PDE11A: variants seen among roughly 807,000 people sequenced by gnomAD.
PDE11A encodes dual 3',5'-cyclic-AMP and -GMP phosphodiesterase 11A.
PDE11A carries 100 observed loss-of-function variants against 100.5 expected under a neutral mutation model. The ratio of observed to expected loss-of-function variants is 1.00; its 90% confidence interval spans 0.85 to 1.18. PDE11A has a LOEUF of 1.18. Among genes scored for constraint, PDE11A ranks in the 50% most tolerant of loss-of-function variants. The probability of loss-of-function intolerance (pLI) is 0.00; values close to 1 mark genes in which losing one functional copy is unlikely to be tolerated. For missense variants in PDE11A, 1,141 were observed against 1,152.6 expected, an observed-to-expected ratio of 0.99 and a Z score of 0.15; for synonymous variants, 381 against 420.8, an observed-to-expected ratio of 0.91 and a Z score of 1.16.
chr2:178,014,278 C>T lies in PDE11A; in HGVS notation c.1071+24G>A, dbSNP rs145348554. ...TCAATGACCAAGAAGAAAAGTACAA[C>T]TCACAAAAGGCATGAAATCTTACTT... On this transcript the variant is annotated intron_variant, in intron 2 of 19. Transcript: ENST00000286063. 7,654 of 1,577,444 alleles carry T rather than the reference C, an allele frequency of 4.9e-3. 21 individuals carry two copies. Among genetic ancestry groups the T allele is most frequent in the Non-Finnish European group, 5.7e-3 (6,551 of 1,146,792 alleles).
At chr2:177,821,791 CAA>C (rs928352501) in intron 6 of PDE11A, among the ~76,000 whole-genome samples, 128 of 151,954 alleles carry the variant, frequency 8.4e-4, no homozygotes, top group African/African-American at 2.8e-3. Context: ...CTTTCATTCT[CAA>C]AAGTGTCTAA....
chr2:177,680,750 T>A, intron 16 of PDE11A, 76 bp downstream of exon 16: 1 of 792,892 alleles, frequency 1.3e-6, no homozygotes, highest in Non-Finnish European at 2.2e-6. Context: ...TTCTATGCTC[T>A]TAGTACTGTC....
chr2:178,057,453 T>C (rs2105862605), intron 1 of PDE11A, among the ~76,000 whole-genome samples: 1 of 152,300 alleles, frequency 6.6e-6, no homozygotes, highest in East Asian at 1.9e-4. Context: ...CATACATTAA[T>C]GTGCTTCAAG....
chr2:177,925,895 GGGAACCT>G (rs2085118438), intron 2 of PDE11A, among the ~76,000 whole-genome samples: 2 of 152,188 alleles, frequency 1.3e-5, no homozygotes, highest in Non-Finnish European at 2.9e-5. Flanking sequence ...GAGTTTTCAG[GGGAACCT>G]GAGTGTTGCA....
intron 6 of PDE11A, among the ~76,000 whole-genome samples, chr2:177,838,673 G>A (rs1009372751): frequency 6.6e-6 from 1 of 152,206 alleles, no homozygotes; most frequent in African/African-American, 2.4e-5. Flanking sequence ...ACCGTTTGGA[G>A]TTCGATGGCC....
At chr2:178,084,130 C>T (rs2087320871) in intron 2 of PDE11A, among the ~76,000 whole-genome samples, 2 of 152,194 alleles carry the variant, frequency 1.3e-5, no homozygotes, top group Admixed American at 6.5e-5. Flanking sequence ...AGCTATCCCT[C>T]CATGTGAGAA....
At chr2:177,795,623 A>G (rs1574150806) in intron 9 of PDE11A, among the ~76,000 whole-genome samples, 1 of 151,974 alleles carries the variant, frequency 6.6e-6, no homozygotes, top group Non-Finnish European at 1.5e-5. Flanking sequence ...TCCTCTTTCC[A>G]CTGGGCAGGG....
chr2:177,820,354 C>T, intron 6 of PDE11A, 59 bp from the exon 7 acceptor site: 4 of 951,754 alleles, frequency 4.2e-6, no homozygotes, highest in Admixed American at 1.8e-5. Flanking sequence ...TTTTGATTTA[C>T]ATTTTTTCCA....
rs538512709 is a variant in PDE11A at position 177,776,513 on chromosome 2, A to C, written c.1738-7140T>G. 1.2e-4 allele frequency among the ~76,000 whole-genome samples: 18 copies of C among 152,318 alleles called. No homozygotes were observed. In the South Asian group the frequency reaches 3.7e-3, roughly 32 times the overall value. The stretch of plus-strand genomic sequence containing the variant: ...AGTCTGAAATATTTTCAGCAATGCT[A>C]CTATTATGAGGGGAATTGTGCCCCC... On this transcript the variant is annotated intron_variant, in intron 9 of 19. Coordinates refer to ENST00000286063, the MANE Select transcript of PDE11A (RefSeq NM_016953.4).
intron 9 of PDE11A, among the ~76,000 whole-genome samples, chr2:177,775,928 G>A (rs2082371495): frequency 1.3e-5 from 2 of 152,168 alleles, no homozygotes; most frequent in Admixed American, 6.5e-5. Context: ...GCAAGGATTG[G>A]TCTAGTTTTG....
chr2:177,960,155 T>TCATCATTG, intron 2 of PDE11A, among the ~76,000 whole-genome samples: 1 of 152,224 alleles, frequency 6.6e-6, no homozygotes, highest in East Asian at 1.9e-4. Context: ...ATTATCTTTT[T>TCATCATTG]CATCATTATT....
At chr2:177,966,007 T>C (rs1559026571) in intron 2 of PDE11A, among the ~76,000 whole-genome samples, 1 of 152,206 alleles carries the variant, frequency 6.6e-6, no homozygotes, top group African/African-American at 2.4e-5. Flanking sequence ...GTTTTTCCAT[T>C]TGTATTTGTT....
At chr2:177,993,879 G>A (rs1010240038) in intron 2 of PDE11A, among the ~76,000 whole-genome samples, 1 of 150,732 alleles carries the variant, frequency 6.6e-6, no homozygotes, top group Admixed American at 6.6e-5. Flanking sequence ...AATATTGAGA[G>A]AATTATATGA....
intron 2 of PDE11A, among the ~76,000 whole-genome samples, chr2:177,947,624 C>G (rs867179534): frequency 1.8e-4 from 28 of 151,894 alleles, no homozygotes; most frequent in African/African-American, 6.0e-4. Context: ...GGGACACAAA[C>G]ACTGCGGAAG....
intron 4 of PDE11A, among the ~76,000 whole-genome samples, chr2:177,897,397 A>G (rs2084627370): frequency 6.6e-6 from 1 of 152,218 alleles, no homozygotes; most frequent in Non-Finnish European, 1.5e-5. Context: ...ATGTTTCCCT[A>G]TGGAGCAGCA....
intron 1 of PDE11A, among the ~76,000 whole-genome samples, chr2:178,036,970 T>C (rs1158144899): frequency 6.6e-6 from 1 of 152,104 alleles, no homozygotes; most frequent in African/African-American, 2.4e-5. Flanking sequence ...GGGCAAAGAC[T>C]TCATGACTAA....
At chr2:178,020,499 A>G (rs1479534386) in intron 1 of PDE11A, among the ~76,000 whole-genome samples, 1 of 152,190 alleles carries the variant, frequency 6.6e-6, no homozygotes, top group Admixed American at 6.5e-5. Flanking sequence ...GATAACTTAA[A>G]GAGAAAATGT....
chr2:177,732,935 G>T (rs1260446266), intron 10 of PDE11A, among the ~76,000 whole-genome samples: 3 of 152,150 alleles, frequency 2.0e-5, no homozygotes, highest in Non-Finnish European at 4.4e-5. Flanking sequence ...CACATTGCTG[G>T]GTTCAAGGGC....
chr2:177,722,133 T>C (rs1340050610), intron 12 of PDE11A, among the ~76,000 whole-genome samples: 1 of 152,142 alleles, frequency 6.6e-6, no homozygotes, highest in African/African-American at 2.4e-5. Flanking sequence ...ATAAATTCAC[T>C]TTAATCAAAA....
Sources: gnomAD v4.1 joint callset for allele counts (sites outside exome capture counted in the v4.1 genomes callset) on GRCh38, gnomAD v4.1.1 for gene constraint, MANE v1.5 for transcripts, NCBI Gene and HGNC (gene_info 2026-07-23, HGNC 2026-07-21) for gene names.